Variants in GPX5 observed in about 807,000 individuals in gnomAD.
GPX5 encodes epididymal secretory glutathione peroxidase.
GPX5 carries 20 observed loss-of-function variants against 23.8 expected under a neutral mutation model. That is an observed-to-expected ratio of 0.84 (90% CI 0.59 to 1.22). GPX5 has a LOEUF of 1.22. Among genes scored for constraint, GPX5 ranks in the 50% most tolerant of loss-of-function variants. GPX5 has a pLI of 0.00. For synonymous variants in GPX5, 92 were observed against 99.5 expected (o/e 0.92, Z 0.45); for missense variants, 230 against 266.6 (o/e 0.86, Z 0.96).
chr6:28,531,320 G>A (rs1763308303), intron 2 of GPX5, among the ~76,000 whole-genome samples: 1 of 141,222 alleles, frequency 7.1e-6, no homozygotes, highest in Non-Finnish European at 1.5e-5. Context: ...GCAGTGAGCC[G>A]AGATCGCGCC....
At chr6:28,533,440 C>A (rs1360513833) in intron 4 of GPX5, among the ~76,000 whole-genome samples, 1 of 152,156 alleles carries the variant, frequency 6.6e-6, no homozygotes, top group Non-Finnish European at 1.5e-5. Flanking sequence ...AAACTCAACT[C>A]GTCTAACTTA....
chr6:28,532,527 T>C (rs1763348792), intron 4 of GPX5, 107 bp downstream of exon 4: 3 of 730,722 alleles, frequency 4.1e-6, no homozygotes, highest in Non-Finnish European at 6.9e-6. Context: ...GTGGGATTGG[T>C]CTTTGTGGAG....
intron 1 of GPX5, chr6:28,527,136 A>C (rs1419679827): frequency 2.6e-5 from 4 of 152,244 alleles, no homozygotes; most frequent in Admixed American, 2.6e-4. Context: ...AATTTGAAAC[A>C]GCAGTCAATA....
intron 1 of GPX5, 33 bp downstream of exon 1, chr6:28,526,133 C>A (rs1160569372): frequency 3.4e-6 from 5 of 1,477,364 alleles, no homozygotes; most frequent in African/African-American, 1.4e-5. Context: ...ATGGTAGTTA[C>A]TCTTCTGTCC....
intron 2 of GPX5, among the ~76,000 whole-genome samples, chr6:28,531,302 C>T (rs28382604): frequency 0.14 from 19,123 of 140,312 alleles, 1,589 homozygotes; most frequent in East Asian, 0.44. Flanking sequence ...ATCTGGGAGA[C>T]GGAGGTTGCA....
intron 1 of GPX5, chr6:28,528,612 A>G (rs560698834): frequency 1.3e-5 from 2 of 152,160 alleles, no homozygotes; most frequent in African/African-American, 4.8e-5. Context: ...ATGTAAGGCA[A>G]GTGTGCTTTT....
intron 1 of GPX5, among the ~76,000 whole-genome samples, chr6:28,528,953 CT>C (rs1763261867): frequency 6.7e-6 from 1 of 150,134 alleles, no homozygotes; most frequent in Non-Finnish European, 1.5e-5. Context: ...TATCCATCCC[CT>C]CAAGGATTTC....
chr6:28,530,924 C>T (rs1394274637), intron 2 of GPX5, among the ~76,000 whole-genome samples: 3 of 152,136 alleles, frequency 2.0e-5, no homozygotes, highest in Admixed American at 1.3e-4. Flanking sequence ...AAAGGGTTAA[C>T]AAAGAAGATG....
intron 1 of GPX5, 134 bp from the exon 2 acceptor site, chr6:28,529,317 T>C: frequency 1.7e-6 from 1 of 603,418 alleles, no homozygotes; most frequent in South Asian, 4.9e-5. Flanking sequence ...AGTCTTGTCA[T>C]TGACACTTTA....
rs1424429268 is a variant in GPX5, at chr6:28,532,301, A to C, written c.360-20A>C. On this transcript the variant is annotated intron_variant, in intron 3 of 4. Coordinates refer to ENST00000412168, the MANE Select transcript of GPX5 (RefSeq NM_001509.3). ...CTTGCATATCCTGGAGCTTCCTGGG[A>C]ACATTATGGCTTGTTGCAGGTATGT... 1 of 1,459,318 alleles carries C rather than the reference A, an allele frequency of 6.9e-7. No individual in the cohort carries two copies. 90.4% of individuals were successfully genotyped at this position (1,459,318 alleles called of 1,614,324 possible).
intron 2 of GPX5, 145 bp downstream of exon 2, chr6:28,529,749 G>A (rs1370730417): frequency 3.9e-6 from 3 of 772,058 alleles, no homozygotes; most frequent in Non-Finnish European, 5.8e-6. Context: ...CATATCAGAA[G>A]TCAGCAAGCT....
chr6:28,530,118 T>C (rs1763285992), intron 2 of GPX5: 1 of 152,226 alleles, frequency 6.6e-6, no homozygotes, highest in Admixed American at 6.6e-5. Flanking sequence ...TTTTGCAAGG[T>C]TTTACAGGTA....
rs1763389195 is a variant in GPX5 at position 28,534,523 on chromosome 6, G to A, written c.*356G>A. 2 of 203,396 alleles carry A rather than the reference G, an allele frequency of 9.8e-6. No individual in the cohort carries two copies. Among genetic ancestry groups the A allele is most frequent in the Non-Finnish European group, 2.0e-5 (2 of 102,008 alleles). 12.6% of individuals were successfully genotyped at this position (203,396 alleles called of 1,614,324 possible). ...CATCACATCCTGAAGAACATTCCTA[G>A]ACATTCTGACTCTTCCATCTCTCTC... On this transcript the variant is annotated 3_prime_UTR_variant, in exon 5 of 5. Coordinates refer to ENST00000412168, the MANE Select transcript of GPX5 (RefSeq NM_001509.3).
In GPX5 at chr6:28,529,618, T is replaced by A; in HGVS notation, c.241+14T>A. ...CGCAATATCCTGGTAAGAGAATTCATAGTTACTTCTCTTTGGGACTAAATT... is the reference window on the plus strand; with the variant it reads ...CGCAATATCCTGGTAAGAGAATTCAAAGTTACTTCTCTTTGGGACTAAATT... On this transcript the variant is annotated intron_variant, in intron 2 of 4. Coordinates refer to ENST00000412168, the MANE Select transcript of GPX5 (RefSeq NM_001509.3). The A allele has an allele frequency of 6.3e-7, 1 of 1,578,370 alleles. No homozygotes were observed. Among genetic ancestry groups the A allele is most frequent in the Non-Finnish European group, 8.6e-7 (1 of 1,159,102 alleles).
At position 28,531,876 on chromosome 6, in the gene GPX5, G is replaced by T. The variant is rs1763330831; in HGVS notation, c.340G>T (p.Glu114Ter). Reference protein sequence around the residue: ...FGKQEPGDNKEILPGLKYVRP... With the variant: ...FGKQEPGDNK ...AAAGCAAGAACCAGGAGATAACAAA[G>T]AGATTCTTCCTGGGCTCAAGTACGT... is the stretch of plus-strand genomic sequence containing the variant. The change falls in exon 3 of 5, where the codon GAG becomes TAG. Residue 114 changes from glutamate (E) to a stop codon, truncating the protein, a stop_gained. Coordinates refer to ENST00000412168, the MANE Select transcript of GPX5 (RefSeq NM_001509.3). LOFTEE classifies it high-confidence loss of function. 6.2e-7 allele frequency: 1 copy of T among 1,612,898 alleles called. No individual in the cohort carries two copies. Among genetic ancestry groups the T allele is most frequent in the Non-Finnish European group, 8.5e-7 (1 of 1,178,942 alleles).
chr6:28,529,093 C>CTT (rs57862879), intron 1 of GPX5, among the ~76,000 whole-genome samples: 4 of 148,756 alleles, frequency 2.7e-5, no homozygotes, highest in South Asian at 4.3e-4. Flanking sequence ...TTCTAACTAT[C>CTT]TTTTTTTTTT....
Position 28,534,450 on chromosome 6 carries a change from A to G in GPX5, c.*283A>G, listed in dbSNP as rs1262789344. The G allele has an allele frequency of 3.0e-6, 1 of 334,022 alleles. No individual in the cohort carries two copies. Among genetic ancestry groups the G allele is most frequent in the African/African-American group, 2.1e-5 (1 of 47,246 alleles). 20.7% of individuals were successfully genotyped at this position (334,022 alleles called of 1,614,324 possible). A position where few individuals can be genotyped will look rare whatever the true frequency, so the allele number is the denominator to read the frequency against. The stretch of plus-strand genomic sequence containing the variant: ...ACCTCTGTTACAGGTTGAATCATTC[A>G]TATCCACCAGAGGGAAATCATCCTT... On this transcript the variant is annotated 3_prime_UTR_variant, in exon 5 of 5. Transcript: ENST00000412168.
At chr6:28,530,399 TTTTTTG>T (rs1436949793) in intron 2 of GPX5, among the ~76,000 whole-genome samples, 1 of 152,200 alleles carries the variant, frequency 6.6e-6, no homozygotes, top group African/African-American at 2.4e-5. Context: ...AAGACCTTCA[TTTTTTG>T]TTTTTAATTA....
At position 28,534,401 on chromosome 6, in the gene GPX5, C is replaced by T; in HGVS notation, c.*234C>T. The T allele has an allele frequency of 2.5e-6, 1 of 407,258 alleles. No individual in the cohort carries two copies. The allele number at this position is 407,258 out of a possible 1,614,324, so 25.2% of individuals were successfully genotyped here. A position where few individuals can be genotyped will look rare whatever the true frequency, so the allele number is the denominator to read the frequency against. On this transcript the variant is annotated 3_prime_UTR_variant, in exon 5 of 5. Coordinates refer to ENST00000412168, the MANE Select transcript of GPX5 (RefSeq NM_001509.3). ...AAGAGTATGTGGGTGAAGACTGAAACAAATGGAAACCTAAAATCCCCAGAC... is the reference window on the plus strand; with the variant it reads ...AAGAGTATGTGGGTGAAGACTGAAATAAATGGAAACCTAAAATCCCCAGAC...
Sources: allele counts gnomAD v4.1 joint callset (sites outside exome capture counted in the v4.1 genomes callset), GRCh38; gene constraint gnomAD v4.1.1; transcripts MANE v1.5; gene names NCBI Gene and HGNC (gene_info 2026-07-23, HGNC 2026-07-21).